PHF20L1: variants seen among roughly 807,000 people sequenced by gnomAD.
PHF20L1 encodes the protein PHD finger protein 20-like protein 1.
Under a neutral mutation model 125.5 loss-of-function variants are expected in PHF20L1, and 44 were observed. That is an observed-to-expected ratio of 0.35 (90% CI 0.28 to 0.45). The LOEUF is 0.45. PHF20L1 is among the 20% of genes least tolerant of loss of function. The pLI is 1.00. For missense variants in PHF20L1, 1,012 were observed against 1,217.2 expected, an observed-to-expected ratio of 0.83 and a Z score of 2.51; for synonymous variants, 380 against 403.1, an observed-to-expected ratio of 0.94 and a Z score of 0.69.
At chr8:132,812,601 C>T (rs1834522249) in intron 9 of PHF20L1, 1 of 982,188 alleles carries the variant, frequency 1.0e-6, no homozygotes, top group Non-Finnish European at 1.2e-6. Context: ...TTCAGGAACA[C>T]CATGCCATTC....
In PHF20L1 at chr8:132,775,621, G is replaced by A. The variant is rs918393290; in HGVS notation, c.-62G>A. ...CAGCTCGGCCCCGGACGGCCCGGCT[G>A]CTGTGCAGAGAGGAGGCCGAGTCGG... On this transcript the variant is annotated 5_prime_UTR_variant, in exon 1 of 21. Coordinates refer to ENST00000395386, the MANE Select transcript of PHF20L1 (RefSeq NM_016018.5). 1.3e-4 allele frequency: 45 copies of A among 343,560 alleles called. No homozygotes were observed. The highest frequency in any genetic ancestry group is 2.4e-4 in the Admixed American group (5 of 20,904). The allele number at this position is 343,560 out of a possible 1,614,324, so 21.3% of individuals were successfully genotyped here. A position where few individuals can be genotyped will look rare whatever the true frequency, so the allele number is the denominator to read the frequency against.
chr8:132,809,818 G>C (rs1204220252), intron 8 of PHF20L1: 2 of 152,048 alleles, frequency 1.3e-5, no homozygotes, highest in Non-Finnish European at 2.9e-5. Flanking sequence ...ATAAACTGGG[G>C]TTCACTGAAG....
At chr8:132,814,937 TA>T in intron 10 of PHF20L1, 48 bp downstream of exon 10, 7 of 1,343,624 alleles carry the variant, frequency 5.2e-6, no homozygotes, top group Non-Finnish European at 7.2e-6. Flanking sequence ...TAAGATACAT[TA>T]AAAACAGTTT....
chr8:132,789,698 C>T (rs755117919), intron 2 of PHF20L1, among the ~76,000 whole-genome samples: 11 of 151,938 alleles, frequency 7.2e-5, no homozygotes, highest in African/African-American at 1.7e-4. Flanking sequence ...ATAGGCTCAG[C>T]GGTGGAGGTG....
At chr8:132,800,345 A>G (rs1000972910) in intron 6 of PHF20L1, among the ~76,000 whole-genome samples, 11 of 151,570 alleles carry the variant, frequency 7.3e-5, no homozygotes, top group African/African-American at 2.7e-4. Flanking sequence ...TTAATTTTTC[A>G]TTTTTTTCTT....
chr8:132,821,773 T>C (rs1835630412), intron 12 of PHF20L1, among the ~76,000 whole-genome samples: 1 of 151,974 alleles, frequency 6.6e-6, no homozygotes. Flanking sequence ...TCTCTGACTC[T>C]AACTAGAGTA....
intron 2 of PHF20L1, among the ~76,000 whole-genome samples, chr8:132,784,999 G>T (rs1830852798): frequency 6.6e-6 from 1 of 152,176 alleles, no homozygotes; most frequent in African/African-American, 2.4e-5. Flanking sequence ...CCTCCAAGCT[G>T]ATGATTTCTT....
chr8:132,833,159 G>A (rs1836958286), intron 15 of PHF20L1, among the ~76,000 whole-genome samples: 1 of 152,050 alleles, frequency 6.6e-6, no homozygotes, highest in Admixed American at 6.6e-5. Flanking sequence ...GAGGAATAAG[G>A]GACGGGGCCT....
At chr8:132,837,002 A>G (rs1003466530) in intron 16 of PHF20L1, among the ~76,000 whole-genome samples, 3 of 152,130 alleles carry the variant, frequency 2.0e-5, no homozygotes, top group Non-Finnish European at 2.9e-5. Flanking sequence ...CTCACACGAA[A>G]GGGCAGGCTA....
chr8:132,825,053 T>C, intron 13 of PHF20L1: 1 of 1,471,134 alleles, frequency 6.8e-7, no homozygotes, highest in South Asian at 1.1e-5. Flanking sequence ...AGTTGGGATT[T>C]CTCAGCACTG....
intron 14 of PHF20L1, among the ~76,000 whole-genome samples, chr8:132,831,357 AC>A (rs11299067): frequency 0.41 from 62,414 of 151,324 alleles, 12,969 homozygotes; most frequent in South Asian, 0.51. Context: ...CTGGAATCAC[AC>A]CCCCACCTCC....
Position 132,839,387 on chromosome 8 carries a change from G to A in PHF20L1, c.2192G>A (p.Gly731Asp). The A allele has an allele frequency of 6.2e-7, 1 of 1,609,030 alleles. No individual in the cohort carries two copies. Among genetic ancestry groups the A allele is most frequent in the Non-Finnish European group, 8.5e-7 (1 of 1,175,754 alleles). Residue 731 changes from glycine (G) to aspartate (D), a missense_variant and splice_region_variant, in exon 18 of 21, where the codon GGT becomes GAT. Gly to Asp is a moderately conservative substitution (Grantham distance 94). This residue lies in a region of PHF20L1 where 55 missense variants were observed against 114.8 expected (regional missense o/e 0.48). Coordinates refer to ENST00000395386, the MANE Select transcript of PHF20L1 (RefSeq NM_016018.5). ...YICYICRDPPGQRWSAKYRYD... is the reference protein window; with the variant it reads ...YICYICRDPPDQRWSAKYRYD... ...GATTTAATATCAACTTCATCTGCAG[G>A]TCAGAGGTGGAGTGCAAAATATCGT... is the stretch of plus-strand genomic sequence containing the variant.
chr8:132,825,235 T>C (rs773069192), intron 13 of PHF20L1, 29 bp from the exon 14 acceptor site: 1 of 1,592,658 alleles, frequency 6.3e-7, no homozygotes, highest in Non-Finnish European at 8.6e-7. Context: ...TCAGTCGTGA[T>C]TGCTAAAGTA....
At position 132,837,288 on chromosome 8, in the gene PHF20L1, TA is replaced by T. The variant is rs371129366; in HGVS notation, c.2092-423del. Among the ~76,000 whole-genome samples, 76 of 152,264 alleles carry T rather than the reference TA, an allele frequency of 5.0e-4. 1 individual carries two copies. The highest frequency in any genetic ancestry group is 1.8e-3 in the African/African-American group (75 of 41,560). On this transcript the variant is annotated intron_variant, in intron 16 of 20. Transcript: ENST00000395386. ...TTTTCCTCCCATTTTTCTGTGGTTT[TA>T]TGGAGGGAACTATGAATTTATAACT...
chr8:132,817,776 T>A (rs1270520101), intron 12 of PHF20L1: 13 of 415,512 alleles, frequency 3.1e-5, no homozygotes, highest in Non-Finnish European at 3.8e-5. Context: ...TGTCACTTGA[T>A]CTATTTCCTT....
chr8:132,783,140 T>C (rs1353107319), intron 2 of PHF20L1, among the ~76,000 whole-genome samples: 2 of 152,206 alleles, frequency 1.3e-5, no homozygotes, highest in African/African-American at 4.8e-5. Context: ...ATTTGAAATA[T>C]AGAGTCAATT....
At chr8:132,836,988 A>G (rs1196739057) in intron 16 of PHF20L1, among the ~76,000 whole-genome samples, 2 of 152,092 alleles carry the variant, frequency 1.3e-5, no homozygotes, top group Admixed American at 1.3e-4. Context: ...TAGGGTGGTA[A>G]ACCCTCACAC....
intron 2 of PHF20L1, among the ~76,000 whole-genome samples, chr8:132,787,121 C>T (rs1480936756): frequency 1.3e-5 from 2 of 151,460 alleles, no homozygotes; most frequent in Non-Finnish European, 2.9e-5. Context: ...GTTTTAGTGG[C>T]GTAGGAAAGA....
intron 8 of PHF20L1, chr8:132,807,109 CACATATACAT>C (rs1055937275): frequency 6.6e-6 from 1 of 151,924 alleles, no homozygotes; most frequent in African/African-American, 2.4e-5. Flanking sequence ...CATATATACA[CACATATACAT>C]ACAGATATAC....
Sources: gnomAD v4.1 joint callset for allele counts (sites outside exome capture counted in the v4.1 genomes callset) on GRCh38, gnomAD v4.1.1 for gene constraint, gnomAD v4.1.1 regional missense constraint, MANE v1.5 for transcripts, NCBI Gene and HGNC (gene_info 2026-07-23, HGNC 2026-07-21) for gene names.